CDCP2: variants seen among roughly 807,000 people sequenced by gnomAD.
The protein encoded by CDCP2 is CUB domain-containing protein 2.
Under a neutral mutation model 31.0 loss-of-function variants are expected in CDCP2, and 31 were observed. That is an observed-to-expected ratio of 1.00 (90% CI 0.75 to 1.35). The LOEUF (loss-of-function observed/expected upper bound fraction) is 1.35, where lower values mean the gene tolerates loss of function less well. Among genes scored for constraint, CDCP2 ranks in the 40% most tolerant of loss-of-function variants. The pLI is 0.00. For missense variants in CDCP2, 443 were observed against 482.6 expected (o/e 0.92, Z 0.77); for synonymous variants, 206 against 207.9 (o/e 0.99, Z 0.08).
At chr1:54,139,650 G>GC (rs765934372) in intron 4 of CDCP2, 103 bp downstream of exon 4, 44 of 1,613,544 alleles carry the variant, frequency 2.7e-5, no homozygotes, top group African/African-American at 4.0e-5. Context: ...ATTCATGGGG[G>GC]GGGCAGGACA....
intron 5 of CDCP2, among the ~76,000 whole-genome samples, chr1:54,135,970 C>T (rs1659252991): frequency 1.3e-5 from 2 of 152,184 alleles, no homozygotes; most frequent in South Asian, 4.1e-4. Context: ...CCTAAGCATA[C>T]AAATATCCAG....
chr1:54,150,729 G>C (rs1157879547), intron 1 of CDCP2, among the ~76,000 whole-genome samples: 4 of 152,210 alleles, frequency 2.6e-5, no homozygotes, highest in African/African-American at 9.6e-5. Flanking sequence ...CCTGAGCCCA[G>C]CTCGGCTACC....
At chr1:54,139,180 G>A (rs151013245) in intron 4 of CDCP2, 282 of 239,756 alleles carry the variant, frequency 1.2e-3, no homozygotes, top group African/African-American at 5.7e-3. Flanking sequence ...ACATGGATGC[G>A]ATGCCTGGAG....
At chr1:54,133,206 C>T (rs991695356) in exon 6 of CDCP2, 11 of 398,996 alleles carry the variant, frequency 2.8e-5, no homozygotes, top group Admixed American at 2.2e-4. Flanking sequence ...TGGCTCACAG[C>T]GGACCTCGTA....
chr1:54,144,144 T>C (rs942893876), intron 2 of CDCP2: 14 of 246,532 alleles, frequency 5.7e-5, no homozygotes, highest in African/African-American at 2.2e-4. Context: ...GGAGGCGGCA[T>C]GGGGAGCATT....
At chr1:54,138,861 T>A (rs1218389036) in intron 4 of CDCP2, 1 of 152,458 alleles carries the variant, frequency 6.6e-6, no homozygotes, top group East Asian at 1.9e-4. Context: ...AACGAGGAGC[T>A]TTGCTTGGCC....
intron 4 of CDCP2, chr1:54,138,439 G>A (rs1659298790): frequency 6.6e-6 from 1 of 152,274 alleles, no homozygotes; most frequent in Admixed American, 6.5e-5. Context: ...TCTGCCGCAA[G>A]CTTGCTGCAG....
chr1:54,149,698 T>C (rs1352854686), intron 1 of CDCP2, among the ~76,000 whole-genome samples: 3 of 152,208 alleles, frequency 2.0e-5, no homozygotes, highest in African/African-American at 7.2e-5. Flanking sequence ...TTTTACTTAT[T>C]GATTTGGTTC....
chr1:54,139,296 T>C (rs1376603423), intron 4 of CDCP2: 1 of 542,326 alleles, frequency 1.8e-6, no homozygotes, highest in African/African-American at 1.9e-5. Context: ...GCTCCAGGCT[T>C]CCTGTTGAGT....
At chr1:54,141,198 G>C (rs1352050793) in exon 3 of CDCP2, 1 of 1,602,548 alleles carries the variant, frequency 6.2e-7, no homozygotes, top group Non-Finnish European at 8.5e-7. Flanking sequence ...TGGGGGGCCT[G>C]GTGCTGCCAC....
At chr1:54,133,913 C>CAAACAAAAA (rs748829165) in intron 5 of CDCP2, among the ~76,000 whole-genome samples, 2 of 144,778 alleles carry the variant, frequency 1.4e-5, no homozygotes, top group Admixed American at 6.9e-5. Context: ...AACAAACAAA[C>CAAACAAAAA]AAAAAAAACC....
chr1:54,146,371 G>A (rs779363116), intron 1 of CDCP2, among the ~76,000 whole-genome samples: 1 of 151,608 alleles, frequency 6.6e-6, no homozygotes, highest in Non-Finnish European at 1.5e-5. Flanking sequence ...GTAGAGACAG[G>A]GTTTCACCAT....
Position 54,137,550 on chromosome 1 carries a change from C to CGGGTCG in CDCP2, c.1118-748_1118-743dup, listed in dbSNP as rs199921966. ...GATGAAGTTGTTTGCAGTGGCCAAC[C>CGGGTCG]GGGTCGACAGGATTTCAGAGTTCGT... On this transcript the variant is annotated intron_variant, in intron 4 of 5. Coordinates refer to ENST00000530059, the Ensembl canonical transcript of CDCP2. 2.0e-5 allele frequency among the ~76,000 whole-genome samples: 3 copies of CGGGTCG among 152,146 alleles called. No individual in the cohort carries two copies. In the East Asian group the frequency reaches 5.8e-4, roughly 29 times the overall value.
exon 4 of CDCP2, chr1:54,140,037 G>A: frequency 6.2e-7 from 1 of 1,613,864 alleles, no homozygotes; most frequent in Non-Finnish European, 8.5e-7. Context: ...GATGTTGTTG[G>A]GGTAGGAGCT....
chr1:54,143,011 T>C (rs773715955), intron 2 of CDCP2: 22 of 152,334 alleles, frequency 1.4e-4, no homozygotes, highest in Non-Finnish European at 2.8e-4. Context: ...TTTACTTGTG[T>C]TTTTAATGAC....
intron 2 of CDCP2, chr1:54,143,593 A>G (rs1218677338): frequency 1.3e-5 from 2 of 152,198 alleles, no homozygotes; most frequent in Non-Finnish European, 2.9e-5. Flanking sequence ...AGATCAGCCT[A>G]TGGTTCTTGT....
intron 1 of CDCP2, among the ~76,000 whole-genome samples, chr1:54,146,201 G>A (rs550128232): frequency 1.7e-4 from 23 of 138,642 alleles, no homozygotes; most frequent in African/African-American, 4.8e-4. Context: ...TTTTTTTTAC[G>A]TGGAGTCTGG....
chr1:54,145,622 C>T (rs617067), intron 1 of CDCP2, among the ~76,000 whole-genome samples: 33,150 of 151,818 alleles, frequency 0.22, 3,768 homozygotes, highest in African/African-American at 0.26. Context: ...TAATAATAAC[C>T]TCCCCAAGTG....
chr1:54,133,139 A>T lies in CDCP2; in HGVS notation c.1452T>A (p.Tyr484Ter). 1 of 399,174 alleles carries T rather than the reference A, an allele frequency of 2.5e-6. No homozygotes were observed. The highest frequency in any genetic ancestry group is 4.4e-6 in the Non-Finnish European group (1 of 226,140). The allele number at this position is 399,174 out of a possible 1,614,324, so 24.7% of individuals were successfully genotyped here. Residue 484 changes from tyrosine (Y) to a stop codon, truncating the protein, a stop_gained, in exon 6 of 6, where the codon TAT (tyrosine) becomes TAA (stop). Transcript: ENST00000530059. LOFTEE classifies it high-confidence loss of function. ...CCTGAAGGTGCTCCGCAGTGGCAGC[A>T]TAGGGCCCCAGCCAGTGAGAGCCAG...
Sources: allele counts gnomAD v4.1 joint callset (sites outside exome capture counted in the v4.1 genomes callset), GRCh38; gene constraint gnomAD v4.1.1; transcripts MANE v1.5; gene names NCBI Gene and HGNC (gene_info 2026-07-23, HGNC 2026-07-21).